The following SGO2 variants were observed in gnomAD, a reference collection of about 807,000 sequenced individuals.
SGO2 encodes shugoshin-like 2.
SGO2 carries 68 observed loss-of-function variants against 99.5 expected under a neutral mutation model. The ratio of observed to expected loss-of-function variants is 0.68; its 90% CI spans 0.56 to 0.84. SGO2 has a LOEUF of 0.84. SGO2 is among the 40% of genes least tolerant of loss of function. The pLI, the probability that SGO2 is intolerant of heterozygous loss-of-function variation, is 0.00. For missense variants in SGO2, 1,350 were observed against 1,436.7 expected, an observed-to-expected ratio of 0.94 and a Z score of 0.97; for synonymous variants, 457 against 487.1, an observed-to-expected ratio of 0.94 and a Z score of 0.81.
chr2:200,531,786 A>T (rs574353815), intron 1 of SGO2: 17 of 152,432 alleles, frequency 1.1e-4, no homozygotes, highest in African/African-American at 3.8e-4. Flanking sequence ...GTGTATTCCC[A>T]GCTGCACTCT....
intron 4 of SGO2, among the ~76,000 whole-genome samples, chr2:200,542,331 T>A (rs1028755845): frequency 1.2e-4 from 18 of 152,220 alleles, no homozygotes; most frequent in African/African-American, 4.3e-4. Context: ...TAGTCATGTA[T>A]TTATTCCTAC....
chr2:200,562,464 G>A (rs2033010496), intron 5 of SGO2, among the ~76,000 whole-genome samples: 1 of 152,202 alleles, frequency 6.6e-6, no homozygotes, highest in Non-Finnish European at 1.5e-5. Context: ...CTGTAGCCTT[G>A]TAGTATTGTT....
At chr2:200,539,534 T>C (rs1231091955) in intron 4 of SGO2, among the ~76,000 whole-genome samples, 4 of 152,136 alleles carry the variant, frequency 2.6e-5, no homozygotes, top group Non-Finnish European at 5.9e-5. Context: ...TTCTTTTGCC[T>C]TTTTGTGGTT....
chr2:200,574,590 G>A (rs527327299), intron 7 of SGO2, among the ~76,000 whole-genome samples: 1 of 152,140 alleles, frequency 6.6e-6, no homozygotes, highest in East Asian at 1.9e-4. Flanking sequence ...TAAATAGGTA[G>A]CATTTTAGGC....
intron 8 of SGO2, among the ~76,000 whole-genome samples, chr2:200,577,654 C>T (rs981155588): frequency 6.6e-6 from 1 of 151,966 alleles, no homozygotes; most frequent in Non-Finnish European, 1.5e-5. Context: ...CCTAAGCATC[C>T]TCCAACCTAT....
At chr2:200,581,624 A>G (rs951975729) in intron 8 of SGO2, among the ~76,000 whole-genome samples, 3 of 152,144 alleles carry the variant, frequency 2.0e-5, no homozygotes, top group African/African-American at 7.2e-5. Context: ...ATTAGGATGT[A>G]CTTTCATGGG....
intron 8 of SGO2, among the ~76,000 whole-genome samples, chr2:200,577,537 A>AATT (rs1395853196): frequency 6.6e-6 from 1 of 152,244 alleles, no homozygotes; most frequent in Admixed American, 6.5e-5. Flanking sequence ...AAAACTAAAG[A>AATT]ATTAGCATTG....
chr2:200,543,611 A>G (rs187313638), intron 5 of SGO2: 119 of 152,314 alleles, frequency 7.8e-4, no homozygotes, highest in African/African-American at 2.7e-3. Context: ...ATAGTAAAAA[A>G]TTCTCATATT....
intron 8 of SGO2, among the ~76,000 whole-genome samples, chr2:200,577,033 T>TTG (rs2033689021): frequency 6.6e-6 from 1 of 151,674 alleles, no homozygotes; most frequent in African/African-American, 2.4e-5. Flanking sequence ...GTGTAAAGTA[T>TTG]TGTTTTTTTT....
At chr2:200,574,050 C>A (rs2106347976) in intron 7 of SGO2, 73 bp downstream of exon 7, 3 of 1,191,186 alleles carry the variant, frequency 2.5e-6, no homozygotes, top group South Asian at 1.8e-5. Context: ...TTTTACTTAG[C>A]CAGTGAAGTA....
intron 4 of SGO2, among the ~76,000 whole-genome samples, chr2:200,541,869 T>C (rs1425587400): frequency 6.6e-6 from 1 of 152,248 alleles, no homozygotes; most frequent in African/African-American, 2.4e-5. Context: ...ATTTCTGGAC[T>C]CTCTGTTCTA....
chr2:200,544,485 T>C (rs1302485524), intron 5 of SGO2, among the ~76,000 whole-genome samples: 2 of 152,188 alleles, frequency 1.3e-5, no homozygotes, highest in South Asian at 2.1e-4. Flanking sequence ...TTTTACCATG[T>C]TGGCCAGGCT....
At chr2:200,553,608 G>C (rs953651525) in intron 5 of SGO2, among the ~76,000 whole-genome samples, 2 of 152,078 alleles carry the variant, frequency 1.3e-5, no homozygotes, top group East Asian at 1.9e-4. Context: ...AATCATAATA[G>C]AACTGATTTG....
At chr2:200,574,678 C>CA (rs1177567582) in intron 7 of SGO2, among the ~76,000 whole-genome samples, 1 of 151,048 alleles carries the variant, frequency 6.6e-6, no homozygotes, top group Non-Finnish European at 1.5e-5. Flanking sequence ...GTACTCATTG[C>CA]AAAAAAATCA....
In SGO2 at chr2:200,580,031, T is replaced by C. The variant is rs1250550206; in HGVS notation, c.3783-3418T>C. Among the ~76,000 whole-genome samples the C allele has an allele frequency of 2.6e-5, 4 of 152,332 alleles. No individual in the cohort carries two copies. In the East Asian group the frequency reaches 7.7e-4, roughly 29 times the overall value. On this transcript the variant is annotated intron_variant, in intron 8 of 8. Coordinates refer to ENST00000357799, the MANE Select transcript of SGO2 (RefSeq NM_152524.6). ...TTGTAAGTTTGTTAGCATCCCCCTCTGAAACCATCTGGACCTAGTACTGTT... is the reference window on the plus strand; with the variant it reads ...TTGTAAGTTTGTTAGCATCCCCCTCCGAAACCATCTGGACCTAGTACTGTT...
In SGO2 at chr2:200,583,769, T is replaced by C. The variant is rs2033911288; in HGVS notation, c.*305T>C. The C allele has an allele frequency of 4.1e-5, 8 of 197,286 alleles. No individual in the cohort carries two copies. The Admixed American group carries it at 4.3e-4, about 11-fold the overall frequency. The allele number at this position is 197,286 out of a possible 1,614,324, so 12.2% of individuals were successfully genotyped here. ...ACAATAACCTTTTAACCAAATAAAA[T>C]GTGTTAATAAATACCTTTGCATTGG... On this transcript the variant is annotated 3_prime_UTR_variant, in exon 9 of 9. Transcript: ENST00000357799.
chr2:200,583,635 G>A lies in SGO2; in HGVS notation c.*171G>A. 1 of 411,702 alleles carries A rather than the reference G, an allele frequency of 2.4e-6. No individual in the cohort carries two copies. 25.5% of individuals were successfully genotyped at this position (411,702 alleles called of 1,614,324 possible). ...TTAATGTTTATTAATAGGTATATGT[G>A]CATAAAATAGCTATTTTGTAACATT... On this transcript the variant is annotated 3_prime_UTR_variant, in exon 9 of 9. Transcript: ENST00000357799.
chr2:200,535,959 A>G (rs975540366), intron 3 of SGO2, 106 bp from the exon 4 acceptor site: 2 of 617,940 alleles, frequency 3.2e-6, no homozygotes, highest in East Asian at 2.8e-5. Flanking sequence ...TATGATATCA[A>G]CTATTTTTTA....
intron 7 of SGO2, among the ~76,000 whole-genome samples, chr2:200,574,645 T>A (rs2033584683): frequency 6.6e-6 from 1 of 151,720 alleles, no homozygotes; most frequent in South Asian, 2.1e-4. Flanking sequence ...TTACTTTTTA[T>A]TTTTTTCCCA....
Sources: gnomAD v4.1 joint callset for allele counts (sites outside exome capture counted in the v4.1 genomes callset) on GRCh38, gnomAD v4.1.1 for gene constraint, MANE v1.5 for transcripts, NCBI Gene and HGNC (gene_info 2026-07-23, HGNC 2026-07-21) for gene names.